PWWP2A: variants seen among roughly 807,000 people sequenced by gnomAD.
The protein encoded by PWWP2A is PWWP domain containing 2A, also known as PWWP domain-containing protein 2A.
A neutral mutation model predicts 48.5 loss-of-function variants in PWWP2A; 18 were observed. The ratio of observed to expected loss-of-function variants is 0.37; its 90% CI spans 0.26 to 0.55. The LOEUF is 0.55. Among genes scored for constraint, PWWP2A ranks in the 20% least tolerant of loss-of-function variants. The pLI, the probability that PWWP2A is intolerant of heterozygous loss-of-function variation, is 0.81. For missense variants in PWWP2A, 867 were observed against 976.4 expected, an observed-to-expected ratio of 0.89 and a Z score of 1.49; for synonymous variants, 396 against 387.7, an observed-to-expected ratio of 1.02 and a Z score of -0.25.
At chr5:160,105,282 C>T (rs1756763219) in intron 1 of PWWP2A, among the ~76,000 whole-genome samples, 2 of 145,948 alleles carry the variant, frequency 1.4e-5, no homozygotes, top group African/African-American at 5.1e-5. Context: ...GGCGCGGTGG[C>T]TCACAGCTGT....
At chr5:160,102,449 A>G (rs1472156219) in intron 1 of PWWP2A, among the ~76,000 whole-genome samples, 1 of 151,484 alleles carries the variant, frequency 6.6e-6, no homozygotes, top group Non-Finnish European at 1.5e-5. Context: ...GCTCAAGCCT[A>G]TAATACTAGC....
chr5:160,066,295 C>CTTTTTTTTTTTTTTTTT (rs748083955), intron 4 of PWWP2A, among the ~76,000 whole-genome samples: 1 of 57,950 alleles, frequency 1.7e-5, no homozygotes, highest in African/African-American at 5.6e-5. Context: ...AAGTGGTTCT[C>CTTTTTTTTTTTTTTTTT]ATTTTTTTTT....
At chr5:160,068,303 G>C (rs977761662) in intron 2 of PWWP2A, among the ~76,000 whole-genome samples, 1 of 152,110 alleles carries the variant, frequency 6.6e-6, no homozygotes, top group Admixed American at 6.6e-5. Context: ...TATTGCAATG[G>C]GTCAAAATAA....
At chr5:160,052,548 CAAAAAAAAA>C in the PWWP2A span, among the ~76,000 whole-genome samples, 17 of 68,070 alleles carry the variant, frequency 2.5e-4, no homozygotes, top group Non-Finnish European at 3.1e-4. Context: ...TCTATTTTAG[CAAAAAAAAA>C]AAAAAAAAAA....
Position 160,119,237 on chromosome 5 carries a change from T to G in PWWP2A, c.152A>C (p.Asp51Ala). ...GGATTGCTGCCCGTCAGTCTCGCCA[T>G]CCGGCACAGACGCTTCAGTGGCCGT... ...PVTATEASVP[D>A]GETDGQQSAP... Residue 51 changes from aspartate (D) to alanine (A), a missense_variant, in exon 1 of 2, where the codon GAT becomes GCT. This residue lies in a region of PWWP2A where 385 missense variants were observed against 396.9 expected (regional missense o/e 0.97). Coordinates refer to ENST00000307063, the MANE Select transcript of PWWP2A (RefSeq NM_001130864.2). 2 of 1,430,644 alleles carry G rather than the reference T, an allele frequency of 1.4e-6. No homozygotes were observed. The highest frequency in any genetic ancestry group is 1.8e-6 in the Non-Finnish European group (2 of 1,104,922). The allele number at this position is 1,430,644 out of a possible 1,614,324, so 88.6% of individuals were successfully genotyped here. A position where few individuals can be genotyped will look rare whatever the true frequency, so the allele number is the denominator to read the frequency against.
At chr5:160,091,021 C>T, downstream of PWWP2A, 1 of 984,960 alleles carries the variant, frequency 1.0e-6, no homozygotes, top group Non-Finnish European at 1.2e-6. Flanking sequence ...TTGTAATTAC[C>T]CGAATGTAAA....
chr5:160,119,330 G>A lies in PWWP2A; in HGVS notation c.59C>T (p.Ala20Val). The change falls in exon 1 of 2, where the codon GCC becomes GTC. Residue 20 changes from alanine (A) to valine (V), a missense_variant. Transcript: ENST00000307063. ...CTCCATCTCCGGCTCGGCCTCGCCG[G>A]CGCCCCCCTCCCCGGGGGACGCTGC... ...ATAASPGEGGAGEAEPEMEPI... is the reference protein window; with the variant it reads ...ATAASPGEGGVGEAEPEMEPI... 9 of 1,388,844 alleles carry A rather than the reference G, an allele frequency of 6.5e-6. No individual in the cohort carries two copies. Among genetic ancestry groups the A allele is most frequent in the Non-Finnish European group, 8.3e-6 (9 of 1,078,054 alleles). 86.0% of individuals were successfully genotyped at this position (1,388,844 alleles called of 1,614,324 possible).
At chr5:160,051,201 TTTGC>T in the PWWP2A span, 2 of 1,601,636 alleles carry the variant, frequency 1.2e-6, no homozygotes, top group Admixed American at 3.4e-5. Context: ...TACTTCTTAC[TTTGC>T]TTGATCATAA....
At chr5:160,062,687 C>T (rs1462052426) in intron 5 of PWWP2A, among the ~76,000 whole-genome samples, 2 of 152,212 alleles carry the variant, frequency 1.3e-5, no homozygotes, top group Non-Finnish European at 2.9e-5. Flanking sequence ...CACCATGGAG[C>T]TGCCCCTCCT....
chr5:160,118,525 G>A (rs368162012), intron 1 of PWWP2A, among the ~76,000 whole-genome samples: 1 of 151,336 alleles, frequency 6.6e-6, no homozygotes, highest in Non-Finnish European at 1.5e-5. Flanking sequence ...AGTCGCAGAA[G>A]AAGACCAGGC....
intron 1 of PWWP2A, chr5:160,117,948 G>A: frequency 1.1e-5 from 9 of 836,174 alleles, no homozygotes; most frequent in Non-Finnish European, 1.3e-5. Context: ...AGAATAAAAA[G>A]GTTAACTCCA....
intron 1 of PWWP2A, among the ~76,000 whole-genome samples, chr5:160,103,959 T>G (rs1756577505): frequency 6.6e-6 from 1 of 150,946 alleles, no homozygotes; most frequent in South Asian, 2.1e-4. Context: ...CCACCTCTAC[T>G]ACAAATACAA....
rs553094507 is a variant in PWWP2A, at chr5:160,067,244, C to A, written c.*80-373G>T. Among the ~76,000 whole-genome samples the A allele has an allele frequency of 2.0e-5, 3 of 152,122 alleles. No homozygotes were observed. The East Asian group carries it at 5.8e-4, about 29-fold the overall frequency. On this transcript the variant is annotated intron_variant and NMD_transcript_variant, in intron 2 of 5. Transcript: ENST00000524050. ...ACAAGATAACAGTGAAAAAAATAGACTCTTTAATTTTGTATTATGAAAACA... is the reference window on the plus strand; with the variant it reads ...ACAAGATAACAGTGAAAAAAATAGAATCTTTAATTTTGTATTATGAAAACA...
downstream of PWWP2A, among the ~76,000 whole-genome samples, chr5:160,089,230 T>G (rs1754876370): frequency 6.6e-6 from 1 of 152,138 alleles, no homozygotes; most frequent in South Asian, 2.1e-4. Flanking sequence ...GTCTCACTCT[T>G]GCCCAGACCA....
chr5:160,054,657 GA>G, the PWWP2A span, among the ~76,000 whole-genome samples: 49 of 142,648 alleles, frequency 3.4e-4, no homozygotes, highest in South Asian at 6.7e-4. Flanking sequence ...CCACAATATA[GA>G]AAAAAAAAAA....
downstream of PWWP2A, among the ~76,000 whole-genome samples, chr5:160,056,849 C>T (rs1757560371): frequency 6.6e-6 from 1 of 152,180 alleles, no homozygotes; most frequent in Non-Finnish European, 1.5e-5. Context: ...ACATTGTGTG[C>T]TTTTCTGCTT....
chr5:160,068,323 G>C (rs976949720), intron 2 of PWWP2A, among the ~76,000 whole-genome samples: 1 of 152,204 alleles, frequency 6.6e-6, no homozygotes, highest in Non-Finnish European at 1.5e-5. Context: ...ATTTTTGGAG[G>C]CTGGGTGCGG....
chr5:160,093,063 G>A lies in PWWP2A; in HGVS notation c.1587C>T (p.Gly529=), dbSNP rs772444624. ...GAACCTCACTGCTGGCCTCTTCAGG[G>A]CCTTTTGAGGGACTCTGATTTTCTG... ...APSENQSPSK[G]PEEASSEVQD... Residue 529 remains glycine, a synonymous_variant, in exon 2 of 2, where the codon GGC becomes GGT. Transcript: ENST00000307063. This position sits in a 1 kb window ranked among gnomAD's most constrained non-coding sequence, Gnocchi z 5.8. 6.2e-7 allele frequency: 1 copy of A among 1,612,632 alleles called. No homozygotes were observed. The highest frequency in any genetic ancestry group is 8.5e-7 in the Non-Finnish European group (1 of 1,179,390).
intron 1 of PWWP2A, among the ~76,000 whole-genome samples, chr5:160,112,144 A>T (rs1433877935): frequency 6.6e-6 from 1 of 150,670 alleles, no homozygotes; most frequent in Non-Finnish European, 1.5e-5. Context: ...AAAAAAAAAA[A>T]AGGAAAAAAA....
Sources: allele counts gnomAD v4.1 joint callset (sites outside exome capture counted in the v4.1 genomes callset), GRCh38; gene constraint gnomAD v4.1.1; regional missense constraint gnomAD v4.1.1; non-coding constraint Gnocchi (gnomAD v3.1); transcripts MANE v1.5; gene names NCBI Gene and HGNC (gene_info 2026-07-23, HGNC 2026-07-21).